Variants in PINX1 observed in about 807,000 individuals in gnomAD.
PINX1 encodes PIN2 (TERF1) interacting telomerase inhibitor 1.
PINX1 carries 34 observed loss-of-function variants against 25.4 expected under a neutral mutation model. The ratio of observed to expected loss-of-function variants is 1.34; its 90% CI spans 1.02 to 1.78. The LOEUF (loss-of-function observed/expected upper bound fraction) is 1.78, where lower values mean the gene tolerates loss of function less well. Among genes scored for constraint, PINX1 ranks in the 40% most tolerant of loss-of-function variants. The pLI is 0.00. For missense variants in PINX1, 592 were observed against 404.9 expected, an observed-to-expected ratio of 1.46 and a Z score of -3.97; for synonymous variants, 197 against 147.7, an observed-to-expected ratio of 1.33 and a Z score of -2.42.
rs1800989012 is a variant in PINX1, at chr8:10,765,184, G to C, written c.*217C>G. The C allele has an allele frequency of 1.9e-6, 1 of 526,942 alleles. No homozygotes were observed. Among genetic ancestry groups the C allele is most frequent in the Non-Finnish European group, 3.3e-6 (1 of 301,704 alleles). The allele number at this position is 526,942 out of a possible 1,614,324, so 32.6% of individuals were successfully genotyped here. On this transcript the variant is annotated 3_prime_UTR_variant, in exon 7 of 7. Coordinates refer to ENST00000314787, the MANE Select transcript of PINX1 (RefSeq NM_017884.6). Reference sequence around the variant, plus strand: ...TCAGAGTTTACAAAAAAATTTATTTGTGTCTGAGAGCCACGATTGAGAACA... The same window carrying C: ...TCAGAGTTTACAAAAAAATTTATTTCTGTCTGAGAGCCACGATTGAGAACA...
chr8:10,781,690 G>A (rs1200521590), intron 6 of PINX1, among the ~76,000 whole-genome samples: 2 of 152,150 alleles, frequency 1.3e-5, no homozygotes, highest in African/African-American at 4.8e-5. Context: ...GAGATAATAA[G>A]TGTTGGCAAG....
At chr8:10,823,210 T>C (rs1043519129) in intron 5 of PINX1, among the ~76,000 whole-genome samples, 1 of 152,244 alleles carries the variant, frequency 6.6e-6, no homozygotes, top group East Asian at 1.9e-4. Flanking sequence ...AATTCTGTAT[T>C]TCCCGACCAG....
intron 6 of PINX1, among the ~76,000 whole-genome samples, chr8:10,810,399 A>T (rs1797460719): frequency 6.6e-6 from 1 of 151,702 alleles, no homozygotes; most frequent in Non-Finnish European, 1.5e-5. Flanking sequence ...CAGCCAGAGA[A>T]CTCCTACCCT....
chr8:10,798,791 T>C (rs1392154532), intron 6 of PINX1, among the ~76,000 whole-genome samples: 1 of 152,194 alleles, frequency 6.6e-6, no homozygotes, highest in Non-Finnish European at 1.5e-5. Flanking sequence ...ACCTGGGAGC[T>C]TGTTAAGAAT....
chr8:10,770,400 C>T (rs17152349), intron 6 of PINX1, among the ~76,000 whole-genome samples: 1,917 of 152,266 alleles, frequency 0.013, 38 homozygotes, highest in African/African-American at 0.044. Context: ...AGAGTCCCTG[C>T]GGGTATCAAT....
chr8:10,789,988 T>C lies in PINX1; in HGVS notation c.472-24072A>G, dbSNP rs964767763. On this transcript the variant is annotated intron_variant, in intron 6 of 6. Coordinates refer to ENST00000314787, the MANE Select transcript of PINX1 (RefSeq NM_017884.6). ...ACCCTACAAGCCTAGGGCAGAGTGC[T>C]CTCTCTGTGAGGACAACTGCATTCA... Among the ~76,000 whole-genome samples the C allele has an allele frequency of 2.4e-4, 37 of 152,240 alleles. 1 individual carries two copies. The highest frequency in any genetic ancestry group is 8.7e-4 in the African/African-American group (36 of 41,564).
At position 10,832,984 on chromosome 8, in the gene PINX1, C is replaced by A; in HGVS notation, c.130G>T (p.Gly44Cys). Residue 44 changes from glycine (G) to cysteine (C), a missense_variant and splice_region_variant, in exon 3 of 7, where the codon GGT becomes TGT. Physicochemically the swap from Gly to Cys is radical, Grantham distance 159. Coordinates refer to ENST00000314787, the MANE Select transcript of PINX1 (RefSeq NM_017884.6). ...LEKMGWSKGK[G>C]LGAQEQGATD... Reference sequence around the variant, plus strand: ...GCTCCTTGCTCCTGAGCCCCTAAACCCTGTGGAGATTAAACACAGAGAGTT... The same window carrying A: ...GCTCCTTGCTCCTGAGCCCCTAAACACTGTGGAGATTAAACACAGAGAGTT... The A allele has an allele frequency of 6.3e-7, 1 of 1,597,020 alleles. No homozygotes were observed. The highest frequency in any genetic ancestry group is 8.6e-7 in the Non-Finnish European group (1 of 1,167,514).
intron 6 of PINX1, among the ~76,000 whole-genome samples, chr8:10,781,893 C>T (rs1223072914): frequency 4.6e-5 from 7 of 152,064 alleles, no homozygotes; most frequent in South Asian, 2.1e-4. Context: ...CCATGTTCAC[C>T]GCAGCAGTTT....
In PINX1 at chr8:10,765,770, C is replaced by T; in HGVS notation, c.618G>A (p.Gln206=). ...PVPGSDISET[Q]VERKRGKKRN... Reference sequence around the variant, plus strand: ...TTTTCTTCCCCCTTTTACGTTCCACCTGCGTCTCAGAAATGTCAGACCCTG... The same window carrying T: ...TTTTCTTCCCCCTTTTACGTTCCACTTGCGTCTCAGAAATGTCAGACCCTG... The change falls in exon 7 of 7, where the codon CAG becomes CAA. Residue 206 remains glutamine, a synonymous_variant. Coordinates refer to ENST00000314787, the MANE Select transcript of PINX1 (RefSeq NM_017884.6). 5.0e-6 allele frequency: 8 copies of T among 1,613,970 alleles called. No individual in the cohort carries two copies. The highest frequency in any genetic ancestry group is 2.2e-5 in the East Asian group (1 of 44,884).
At chr8:10,782,780 G>C (rs1055693167) in intron 6 of PINX1, among the ~76,000 whole-genome samples, 2 of 142,042 alleles carry the variant, frequency 1.4e-5, no homozygotes, top group Non-Finnish European at 3.0e-5. Context: ...GGGTAGAAAT[G>C]GAAAATTTGA....
chr8:10,797,930 T>C (rs1381206856), intron 6 of PINX1, among the ~76,000 whole-genome samples: 1 of 152,166 alleles, frequency 6.6e-6, no homozygotes, highest in East Asian at 1.9e-4. Flanking sequence ...TGCATGCAGG[T>C]GGGACATTCT....
chr8:10,793,153 A>T (rs1268148199), intron 6 of PINX1, among the ~76,000 whole-genome samples: 1 of 152,198 alleles, frequency 6.6e-6, no homozygotes, highest in Non-Finnish European at 1.5e-5. Flanking sequence ...AGGTGCTTCA[A>T]GAAGTGTAAG....
rs560016279 is a variant in PINX1 at position 10,830,043 on chromosome 8, A to G, written c.301+1622T>C. ...GTAAATATCAAGATGTTTTCTGTGT[A>G]TAATTAGTAAGGAATAGTGTCCTTG... On this transcript the variant is annotated intron_variant, in intron 4 of 6. Coordinates refer to ENST00000314787, the MANE Select transcript of PINX1 (RefSeq NM_017884.6). Among the ~76,000 whole-genome samples, 4 of 152,364 alleles carry G rather than the reference A, an allele frequency of 2.6e-5. No homozygotes were observed. The South Asian group carries it at 8.3e-4, about 32-fold the overall frequency.
At chr8:10,795,964 G>A (rs528222139) in intron 6 of PINX1, among the ~76,000 whole-genome samples, 13 of 152,126 alleles carry the variant, frequency 8.5e-5, no homozygotes, top group Admixed American at 3.3e-4. Context: ...TGCTTTAGTT[G>A]CCTAAAGGTG....
chr8:10,792,130 G>A (rs1159424303), intron 6 of PINX1, among the ~76,000 whole-genome samples: 1 of 152,198 alleles, frequency 6.6e-6, no homozygotes. Context: ...TAGAGACCTA[G>A]AGAATTATCC....
chr8:10,821,109 G>A (rs771432351), intron 5 of PINX1, among the ~76,000 whole-genome samples: 2 of 152,224 alleles, frequency 1.3e-5, no homozygotes, highest in Non-Finnish European at 2.9e-5. Context: ...ACTACTCCAT[G>A]TAAAGGCTTG....
At chr8:10,805,262 A>T (rs1802403865) in intron 6 of PINX1, among the ~76,000 whole-genome samples, 1 of 152,234 alleles carries the variant, frequency 6.6e-6, no homozygotes, top group South Asian at 2.1e-4. Flanking sequence ...TACAGGAGGC[A>T]CACGCAAAAG....
chr8:10,829,247 C>A (rs1331204464), intron 4 of PINX1, among the ~76,000 whole-genome samples: 2 of 142,004 alleles, frequency 1.4e-5, no homozygotes, highest in Non-Finnish European at 1.5e-5. Context: ...GATTGTGCCA[C>A]TGCACTCCAG....
At chr8:10,808,638 C>G (rs369049257) in intron 6 of PINX1, among the ~76,000 whole-genome samples, 2 of 152,184 alleles carry the variant, frequency 1.3e-5, no homozygotes, top group Non-Finnish European at 2.9e-5. Context: ...GTGCTAGCAA[C>G]TGATAGAGCC....
Sources: allele counts gnomAD v4.1 joint callset (sites outside exome capture counted in the v4.1 genomes callset), GRCh38; gene constraint gnomAD v4.1.1; transcripts MANE v1.5; gene names NCBI Gene and HGNC (gene_info 2026-07-23, HGNC 2026-07-21).